EPHA6: variants seen among roughly 807,000 people sequenced by gnomAD.
EPHA6 encodes the protein ephrin type-A receptor 6.
Under a neutral mutation model 112.0 loss-of-function variants are expected in EPHA6, and 50 were observed. The ratio of observed to expected loss-of-function variants is 0.45; its 90% CI spans 0.36 to 0.56. EPHA6 has a LOEUF of 0.56. Among genes scored for constraint, EPHA6 ranks in the 20% least tolerant of loss-of-function variants. The probability of loss-of-function intolerance (pLI) is 0.00; values close to 1 mark genes in which losing one functional copy is unlikely to be tolerated. For synonymous variants in EPHA6, 529 were observed against 490.7 expected (o/e 1.08, Z -1.03); for missense variants, 1,280 against 1,417.4 (o/e 0.90, Z 1.56).
chr3:97,137,735 A>T (rs1201038748), intron 3 of EPHA6, among the ~76,000 whole-genome samples: 1 of 152,148 alleles, frequency 6.6e-6, no homozygotes, highest in Non-Finnish European at 1.5e-5. Context: ...GGTTTTACCA[A>T]CTTGCAGTCC....
intron 3 of EPHA6, among the ~76,000 whole-genome samples, chr3:97,046,696 A>G (rs2045519116): frequency 6.6e-6 from 1 of 152,204 alleles, no homozygotes; most frequent in African/African-American, 2.4e-5. Flanking sequence ...AAAAGCCAGT[A>G]GTAATTCTAT....
At position 97,170,703 on chromosome 3, in the gene EPHA6, C is replaced by G. The variant is rs547519197; in HGVS notation, c.1115-55561C>G. 7.8e-4 allele frequency among the ~76,000 whole-genome samples: 118 copies of G among 152,088 alleles called. 4 individuals carry two copies. In the South Asian group the frequency reaches 0.021, roughly 27 times the overall value. ...AGTGAGCTGAGATCTTACCGCTGCC[C>G]TTCCACCTGGGCGACAGAGCGAGCC... On this transcript the variant is annotated intron_variant, in intron 3 of 17. Coordinates refer to ENST00000389672, the MANE Select transcript of EPHA6 (RefSeq NM_001080448.3).
At chr3:96,855,645 A>G (rs1185218212) in intron 1 of EPHA6, among the ~76,000 whole-genome samples, 1 of 152,006 alleles carries the variant, frequency 6.6e-6, no homozygotes, top group Non-Finnish European at 1.5e-5. Context: ...TTAAAATAAT[A>G]GTTGAAATCC....
intron 3 of EPHA6, among the ~76,000 whole-genome samples, chr3:97,152,356 A>G (rs935500474): frequency 1.6e-4 from 24 of 151,400 alleles, no homozygotes; most frequent in Admixed American, 1.6e-3. Flanking sequence ...TTAGCATTTT[A>G]TAATAAAAAT....
intron 3 of EPHA6, among the ~76,000 whole-genome samples, chr3:97,035,049 A>G (rs1458437462): frequency 3.3e-5 from 5 of 151,920 alleles, no homozygotes; most frequent in African/African-American, 1.2e-4. Context: ...CTTCTTTTTA[A>G]CACCCTGACT....
intron 11 of EPHA6, among the ~76,000 whole-genome samples, chr3:97,542,556 C>T (rs1184619572): frequency 7.2e-5 from 11 of 152,218 alleles, no homozygotes; most frequent in African/African-American, 1.2e-4. Context: ...TATAAACATA[C>T]GTGTGCATGT....
intron 7 of EPHA6, among the ~76,000 whole-genome samples, chr3:97,469,034 TA>T (rs2107433883): frequency 6.6e-6 from 1 of 151,864 alleles, no homozygotes; most frequent in South Asian, 2.1e-4. Context: ...AAACGTTTTT[TA>T]ATCATGCATC....
intron 10 of EPHA6, among the ~76,000 whole-genome samples, chr3:97,505,939 GTGA>G (rs1056501704): frequency 6.6e-6 from 1 of 152,134 alleles, no homozygotes; most frequent in Middle Eastern, 3.2e-3. Flanking sequence ...ATGGCCAGTG[GTGA>G]TGAACTTTTT....
At chr3:97,412,688 A>G (rs1486026601) in intron 6 of EPHA6, among the ~76,000 whole-genome samples, 1 of 152,116 alleles carries the variant, frequency 6.6e-6, no homozygotes, top group Non-Finnish European at 1.5e-5. Context: ...GATAAGGATG[A>G]AACAGTAATT....
At chr3:97,686,480 TAA>T (rs1450551408) in intron 14 of EPHA6, among the ~76,000 whole-genome samples, 2 of 152,208 alleles carry the variant, frequency 1.3e-5, no homozygotes, top group Admixed American at 1.3e-4. Context: ...AAATGCAATA[TAA>T]GAGTCAATGA....
chr3:97,551,223 T>C (rs534440822), intron 11 of EPHA6, among the ~76,000 whole-genome samples: 18 of 152,280 alleles, frequency 1.2e-4, no homozygotes, highest in African/African-American at 4.3e-4. Context: ...CATTATCTAG[T>C]CTGTATCTTG....
At chr3:97,725,505 A>G (rs1307798016) in intron 15 of EPHA6, among the ~76,000 whole-genome samples, 1 of 152,100 alleles carries the variant, frequency 6.6e-6, no homozygotes, top group Non-Finnish European at 1.5e-5. Context: ...CTTTTTTGGT[A>G]TATATCGTTT....
intron 1 of EPHA6, among the ~76,000 whole-genome samples, chr3:96,823,593 G>T (rs1322516888): frequency 6.6e-6 from 1 of 151,802 alleles, no homozygotes; most frequent in Non-Finnish European, 1.5e-5. Flanking sequence ...TTGCCATGAA[G>T]TGTGATAAGA....
chr3:97,329,494 T>C (rs1176988385), intron 5 of EPHA6, among the ~76,000 whole-genome samples: 1 of 148,614 alleles, frequency 6.7e-6, no homozygotes, highest in Non-Finnish European at 1.5e-5. Context: ...TCCTGACTTT[T>C]TAATGATTGC....
At chr3:97,208,514 G>A (rs2077774571) in intron 3 of EPHA6, among the ~76,000 whole-genome samples, 1 of 152,134 alleles carries the variant, frequency 6.6e-6, no homozygotes, top group Non-Finnish European at 1.5e-5. Context: ...GGAAGGCCAT[G>A]GTGGGTGGAT....
In EPHA6 at chr3:96,814,876, A is replaced by G; in HGVS notation, c.253A>G (p.Arg85Gly). The change falls in exon 1 of 18, where the codon AGG becomes GGG. Residue 85 changes from arginine (R) to glycine (G), a missense_variant. Arg to Gly is a moderately radical substitution (Grantham distance 125). This residue lies in a region of EPHA6 where 220 missense variants were observed against 171.5 expected (regional missense o/e 1.28). Transcript: ENST00000389672. ...CCTGCGCTGCCGCCACTTCTCTTTA[A>G]GGGAGAGGAAAAGAGAGCCTAGGAG... Reference protein sequence around the residue: ...TCLRCRHFSLRERKREPRRTM... With the variant: ...TCLRCRHFSLGERKREPRRTM... 6.4e-7 allele frequency: 1 copy of G among 1,556,958 alleles called. No individual in the cohort carries two copies. Among genetic ancestry groups the G allele is most frequent in the South Asian group, 1.2e-5 (1 of 84,608 alleles).
At chr3:97,675,857 T>A (rs2031325870) in intron 14 of EPHA6, among the ~76,000 whole-genome samples, 2 of 151,650 alleles carry the variant, frequency 1.3e-5, no homozygotes, top group Non-Finnish European at 2.9e-5. Context: ...TATGCAGGAG[T>A]TTAAAAAAAG....
At chr3:96,857,377 T>G (rs1431391993) in intron 1 of EPHA6, among the ~76,000 whole-genome samples, 5 of 152,280 alleles carry the variant, frequency 3.3e-5, no homozygotes, top group East Asian at 1.9e-4. Flanking sequence ...TTCTCTATAT[T>G]GAAGCCATGC....
rs1560047684 is a variant in EPHA6, at chr3:97,475,582, A to T, written c.2003+122A>T. On this transcript the variant is annotated intron_variant, in intron 8 of 17. Transcript: ENST00000389672. ...CTGAGGTCGAGAGGGATCCCATAAG[A>T]ATCCACTCTGACAGTGAACCATCAT... 9 of 608,514 alleles carry T rather than the reference A, an allele frequency of 1.5e-5. No individual in the cohort carries two copies. The Admixed American group carries it at 2.2e-4, about 15-fold the overall frequency. 37.7% of individuals were successfully genotyped at this position (608,514 alleles called of 1,614,324 possible).
Sources: gnomAD v4.1 joint callset for allele counts (sites outside exome capture counted in the v4.1 genomes callset) on GRCh38, gnomAD v4.1.1 for gene constraint, gnomAD v4.1.1 regional missense constraint, MANE v1.5 for transcripts, NCBI Gene and HGNC (gene_info 2026-07-23, HGNC 2026-07-21) for gene names.